TTN: variants seen among roughly 807,000 people sequenced by gnomAD.
TTN encodes titin, also known as connectin.
TTN carries 1,525 observed loss-of-function variants against 3,223.0 expected under a neutral mutation model. The ratio of observed to expected loss-of-function variants is 0.47; its 90% CI spans 0.45 to 0.49. The LOEUF (loss-of-function observed/expected upper bound fraction) is 0.49. Ranked by LOEUF, TTN falls within the 20% of genes least tolerant of loss-of-function variation. The pLI is 0.00. For missense variants in TTN, 40,786 were observed against 43,424.0 expected (o/e 0.94, Z 5.40); for synonymous variants, 14,094 against 15,161.0 (o/e 0.93, Z 5.17).
chr2:178,785,504 A>G, intron 15 of TTN, 116 bp downstream of exon 15: 1 of 1,466,348 alleles, frequency 6.8e-7, no homozygotes, highest in Non-Finnish European at 9.4e-7. Flanking sequence ...AAACACACGC[A>G]CACACACATC....
In TTN at chr2:178,636,118, A is replaced by G. The variant is rs929168416; in HGVS notation, c.41453T>C (p.Ile13818Thr). 3 of 1,613,100 alleles carry G rather than the reference A, an allele frequency of 1.9e-6. No homozygotes were observed. The highest frequency in any genetic ancestry group is 2.5e-6 in the Non-Finnish European group (3 of 1,179,490). The change falls in exon 226 of 363, where the codon ATT (isoleucine) becomes ACT (threonine). Residue 13818 changes from isoleucine (I) to threonine (T), a missense_variant. Coordinates refer to ENST00000589042, the MANE Select transcript of TTN (RefSeq NM_001267550.2). The surrounding 1 kb of genome is among the most constrained non-coding windows in gnomAD (Gnocchi z 4.3). ...RDVVWRKDGK[I>T]VVEKPGRIVP... is the part of the protein sequence containing the mutation. Reference sequence around the variant, plus strand: ...AATTCGGCCAGGTTTCTCCACCACAATCTTGCCATCCTTCCTCCAGACCAC... The same window carrying G: ...AATTCGGCCAGGTTTCTCCACCACAGTCTTGCCATCCTTCCTCCAGACCAC...
At chr2:178,604,450 G>A in intron 281 of TTN, 145 bp from the exon 282 acceptor site, 1 of 775,346 alleles carries the variant, frequency 1.3e-6, no homozygotes, top group Non-Finnish European at 1.9e-6. Flanking sequence ...CAGAGAAAAG[G>A]AGAAAGCTTT....
Position 178,582,983 on chromosome 2 carries a change from A to G in TTN, c.65820T>C (p.Asn21940=). 1.1e-5 allele frequency: 17 copies of G among 1,553,828 alleles called. No homozygotes were observed. The highest frequency in any genetic ancestry group is 1.5e-5 in the Non-Finnish European group (17 of 1,147,104). The change falls in exon 313 of 363, where the codon AAT becomes AAC. Residue 21940 remains asparagine (N), a synonymous_variant. Transcript: ENST00000589042. The part of the protein sequence containing the change: ...DSGDYTITAE[N]SSGSKSATIK... ...TGGTGGCTGATTTAGAACCACTTGA[A>G]TTTTCAGCAGTAATGGTATAGTCTC...
In TTN at chr2:178,715,599, A is replaced by G; in HGVS notation, c.25815T>C (p.Ala8605=). ...KFRMSFVDSV[A]VLEMHNLSVE... ...CACTGAGATTGTGCATTTCCAGCAC[A>G]GCCACCGAGTCAACGAATGACATTC... Residue 8605 remains alanine, a synonymous_variant, in exon 89 of 363, where the codon GCT becomes GCC. Coordinates refer to ENST00000589042, the MANE Select transcript of TTN (RefSeq NM_001267550.2). 6.2e-7 allele frequency: 1 copy of G among 1,613,682 alleles called. No homozygotes were observed. The highest frequency in any genetic ancestry group is 1.1e-5 in the South Asian group (1 of 91,068).
At position 178,584,528 on chromosome 2, in the gene TTN, A is replaced by T; in HGVS notation, c.65023T>A (p.Cys21675Ser). Reference protein sequence around the residue: ...NARVTKVNKDCIFVAWDRPDS... With the variant: ...NARVTKVNKDSIFVAWDRPDS... The stretch of plus-strand genomic sequence containing the variant: ...GGTCTGTCCCAAGCAACAAAAATAC[A>T]GTCCTTGTTGACTTTGGTGACTCGT... The change falls in exon 311 of 363, where the codon TGT (cysteine) becomes AGT (serine). Residue 21675 changes from cysteine to serine, a missense_variant. Coordinates refer to ENST00000589042, the MANE Select transcript of TTN (RefSeq NM_001267550.2). The T allele has an allele frequency of 6.2e-7, 1 of 1,613,206 alleles. No individual in the cohort carries two copies. The highest frequency in any genetic ancestry group is 8.5e-7 in the Non-Finnish European group (1 of 1,179,496).
rs374633087 is a variant in TTN at position 178,728,415 on chromosome 2, C to A, written c.19427-18G>T. 1.3e-6 allele frequency: 2 copies of A among 1,582,840 alleles called. No homozygotes were observed. Among genetic ancestry groups the A allele is most frequent in the Non-Finnish European group, 1.7e-6 (2 of 1,164,236 alleles). On this transcript the variant is annotated intron_variant, in intron 66 of 362. Transcript: ENST00000589042. ...ATTTTGATCTGTCCAATGCAAACAG[C>A]AAAACACATCCATTAATCTCTTGCT...
Position 178,530,589 on chromosome 2 carries a change from A to G in TTN, c.106026T>C (p.Tyr35342=). The stretch of plus-strand genomic sequence containing the variant: ...CAGTGAGGTTATTGATTTTGAGCTC[A>G]TAGGTACCATCTGCTGAATAATGAA... ...FQFHYSADGT[Y]ELKINNLTES... The change falls in exon 358 of 363, where the codon TAT becomes TAC. Residue 35342 remains tyrosine (Y), a synonymous_variant. Transcript: ENST00000589042. The G allele has an allele frequency of 6.2e-7, 1 of 1,614,044 alleles. No individual in the cohort carries two copies.
Position 178,552,009 on chromosome 2 carries a change from A to G in TTN, c.90891T>C (p.Phe30297=). 3 of 1,612,998 alleles carry G rather than the reference A, an allele frequency of 1.9e-6. No individual in the cohort carries two copies. Among genetic ancestry groups the G allele is most frequent in the Non-Finnish European group, 2.5e-6 (3 of 1,179,232 alleles). Residue 30297 remains phenylalanine, a synonymous_variant, in exon 335 of 363, where the codon TTT becomes TTC. Transcript: ENST00000589042. ...CGTATCTGTTTTCTGCTCTCACTCT[A>G]AACTGGTACTCAGCATCTTTGACTA... The part of the protein sequence containing the change: ...PNLVKDAEYQ[F]RVRAENRYGV...
intron 335 of TTN, among the ~76,000 whole-genome samples, 165 bp from the exon 336 acceptor site, chr2:178,551,425 C>A (rs569462693): frequency 6.6e-6 from 1 of 152,102 alleles, no homozygotes; most frequent in Non-Finnish European, 1.5e-5. Context: ...TTAATTTCAA[C>A]TTTCCATTTC....
rs876658041 is a variant in TTN at position 178,732,694 on chromosome 2, G to A, written c.16367C>T (p.Pro5456Leu). Residue 5456 changes from proline to leucine, a missense_variant, in exon 56 of 363, where the codon CCC becomes CTC. Pro to Leu is a moderately conservative substitution (Grantham distance 98). Transcript: ENST00000589042. ...VQEPPSFVTKPGSKDVLPGSA... is the reference protein window; with the variant it reads ...VQEPPSFVTKLGSKDVLPGSA... The stretch of plus-strand genomic sequence containing the variant: ...GCCAGGCAGAACATCCTTTGAGCCG[G>A]GTTTAGTTACAAAACTGGGTGGTTC... 6.3e-7 allele frequency: 1 copy of A among 1,597,696 alleles called. No homozygotes were observed. The highest frequency in any genetic ancestry group is 8.5e-7 in the Non-Finnish European group (1 of 1,171,894).
intron 47 of TTN, chr2:178,742,948 T>C (rs546791635): frequency 6.6e-6 from 1 of 152,208 alleles, no homozygotes; most frequent in African/African-American, 2.4e-5. Flanking sequence ...AACTCATCTA[T>C]AGCATGCAGA....
Position 178,568,900 on chromosome 2 carries a change from T to A in TTN, c.77232A>T (p.Lys25744Asn), listed in dbSNP as rs1482499927. ...ACTTTACTCGAGCACACTCTGACCA[T>A]TTCTCACTGTGTTTAGCTTGCATTT... ...IVEMQAKHSE[K>N]WSECARVKSL... Residue 25744 changes from lysine to asparagine, a missense_variant, in exon 326 of 363, where the codon AAA (lysine) becomes AAT (asparagine). Physicochemically the swap from Lys to Asn is moderately conservative, Grantham distance 94. Transcript: ENST00000589042. 6.2e-7 allele frequency: 1 copy of A among 1,613,288 alleles called. No homozygotes were observed. The highest frequency in any genetic ancestry group is 2.2e-5 in the East Asian group (1 of 44,828).
chr2:178,773,987 T>A lies in TTN; in HGVS notation c.7181A>T (p.Glu2394Val), dbSNP rs929251010. 1 of 1,614,104 alleles carries A rather than the reference T, an allele frequency of 6.2e-7. No homozygotes were observed. The highest frequency in any genetic ancestry group is 8.5e-7 in the Non-Finnish European group (1 of 1,179,990). Residue 2394 changes from glutamate (E) to valine (V), a missense_variant, in exon 31 of 363, where the codon GAA (glutamate) becomes GTA (valine). Transcript: ENST00000589042. The stretch of plus-strand genomic sequence containing the variant: ...GTGAACCCTGTCACTGGGCTGCACT[T>A]CTTGGCCGTCTTTCATCCAGACGCC... The part of the protein sequence containing the change: ...VEGVWMKDGQ[E>V]VQPSDRVHIV...
At chr2:178,649,416 C>T in intron 212 of TTN, 85 bp from the exon 213 acceptor site, 3 of 1,332,054 alleles carry the variant, frequency 2.3e-6, no homozygotes, top group South Asian at 1.7e-5. Context: ...TTTATTGGAG[C>T]AGCATTAAAA....
Position 178,574,863 on chromosome 2 carries a change from C to T in TTN, c.71269G>A (p.Val23757Ile), listed in dbSNP as rs1387996821. ...TCCACTACATAGTTGCTTATTGGTA[C>T]ACCACCATCGTTCTCAGGTGGGTCC... ...SWDPPENDGG[V>I]PISNYVVEMR... is the part of the protein sequence containing the mutation. The change falls in exon 326 of 363, where the codon GTA becomes ATA. Residue 23757 changes from valine to isoleucine, a missense_variant. Physicochemically the swap from Val to Ile is conservative, Grantham distance 29. Transcript: ENST00000589042. 5 of 1,613,016 alleles carry T rather than the reference C, an allele frequency of 3.1e-6. No homozygotes were observed. The highest frequency in any genetic ancestry group is 4.2e-6 in the Non-Finnish European group (5 of 1,179,524).
rs2091939887 is a variant in TTN, at chr2:178,774,282, C to T, written c.6982G>A (p.Val2328Ile). The change falls in exon 30 of 363, where the codon GTA becomes ATA. Residue 2328 changes from valine (V) to isoleucine (I), a missense_variant. By Grantham distance (29) the Val-to-Ile change is conservative. Coordinates refer to ENST00000589042, the MANE Select transcript of TTN (RefSeq NM_001267550.2). ...TATTCTCCCTGGTCCTCCTTGGTTA[C>T]ATCCTTGACCGTGAGGTTCTGACGT... ...RGRQNLTVKDVTKEDQGEYSF... is the reference protein window; with the variant it reads ...RGRQNLTVKDITKEDQGEYSF... 3 of 1,613,990 alleles carry T rather than the reference C, an allele frequency of 1.9e-6. No homozygotes were observed. The highest frequency in any genetic ancestry group is 1.3e-5 in the African/African-American group (1 of 74,920).
chr2:178,755,334 T>C (rs1414113712), intron 46 of TTN, among the ~76,000 whole-genome samples: 1 of 152,134 alleles, frequency 6.6e-6, no homozygotes. Flanking sequence ...TCCAGGAGGA[T>C]TTTAAGCCTG....
Position 178,532,708 on chromosome 2 carries a change from CG to C in TTN, c.103906del (p.Arg34636AlafsTer36). ...ATAATCAGGAGAAGGTGTACGCCGG[CG>C]GGCTGGTCTCACTATCTCAAGATCA... ...QDDLEIVRPA[R>X]RRTPSPDYDF... On this transcript the variant is annotated frameshift_variant, in exon 358 of 363. Coordinates refer to ENST00000589042, the MANE Select transcript of TTN (RefSeq NM_001267550.2). LOFTEE classifies it high-confidence loss of function. 1 of 1,613,906 alleles carries C rather than the reference CG, an allele frequency of 6.2e-7. No homozygotes were observed. The highest frequency in any genetic ancestry group is 2.2e-5 in the East Asian group (1 of 44,878).
chr2:178,569,419 G>A lies in TTN; in HGVS notation c.76713C>T (p.Val25571=), dbSNP rs372229365. 5 of 1,613,196 alleles carry A rather than the reference G, an allele frequency of 3.1e-6. No homozygotes were observed. In the African/African-American group the frequency reaches 6.7e-5, roughly 22 times the overall value. The change falls in exon 326 of 363, where the codon GTC becomes GTT. Residue 25571 remains valine, a synonymous_variant. Transcript: ENST00000589042. ...TATATTTTCCACTATCATATCGGTT[G>A]ACATTGTCAAGAACAAGAGAGGTGA... The part of the protein sequence containing the change: ...SSFTSLVLDN[V]NRYDSGKYTL...
Sources: gnomAD v4.1 joint callset for allele counts (sites outside exome capture counted in the v4.1 genomes callset) on GRCh38, gnomAD v4.1.1 for gene constraint, Gnocchi (gnomAD v3.1) non-coding constraint, MANE v1.5 for transcripts, NCBI Gene and HGNC (gene_info 2026-07-23, HGNC 2026-07-21) for gene names.